Variants in INSIG1 observed in about 807,000 individuals in gnomAD.
INSIG1 encodes insulin induced gene 1, also known as insulin-induced gene 1 protein.
A neutral mutation model predicts 26.5 loss-of-function variants in INSIG1; 14 were observed. The ratio of observed to expected loss-of-function variants is 0.53; its 90% confidence interval spans 0.35 to 0.83. The LOEUF (loss-of-function observed/expected upper bound fraction) is 0.83. Among genes scored for constraint, INSIG1 ranks in the 40% least tolerant of loss-of-function variants. The pLI, the probability that INSIG1 is intolerant of heterozygous loss-of-function variation, is 0.01. For synonymous variants in INSIG1, 147 were observed against 153.3 expected (o/e 0.96, Z 0.30); for missense variants, 272 against 368.9 (o/e 0.74, Z 2.15).
intron 5 of INSIG1, among the ~76,000 whole-genome samples, chr7:155,305,903 C>T (rs192292505): frequency 4.2e-4 from 64 of 152,296 alleles, no homozygotes; most frequent in African/African-American, 1.3e-3. Flanking sequence ...TGTGGTATTT[C>T]CCCCCACACA....
intron 1 of INSIG1, 76 bp downstream of exon 1, chr7:155,298,035 G>T (rs1797666370): frequency 5.5e-6 from 2 of 363,734 alleles, no homozygotes; most frequent in East Asian, 8.2e-5. Flanking sequence ...GAGGTAGGCG[G>T]GCGCGGGCCC....
At position 155,297,969 on chromosome 7, in the gene INSIG1, C is replaced by T; in HGVS notation, c.-28+10C>T. ...GGCGCCTCTCGGCCAGGTACGCGGC[C>T]GGCTGGGATAGGGGTCGCGGGCGGG... On this transcript the variant is annotated intron_variant, in intron 1 of 5. Coordinates refer to ENST00000340368, the MANE Select transcript of INSIG1 (RefSeq NM_005542.6). 1 of 235,856 alleles carries T rather than the reference C, an allele frequency of 4.2e-6. No individual in the cohort carries two copies. The highest frequency in any genetic ancestry group is 8.1e-6 in the Non-Finnish European group (1 of 122,982). The allele number at this position is 235,856 out of a possible 1,614,324, so 14.6% of individuals were successfully genotyped here.
intron 5 of INSIG1, among the ~76,000 whole-genome samples, chr7:155,307,359 G>C (rs1251935293): frequency 6.6e-6 from 1 of 152,202 alleles, no homozygotes; most frequent in Non-Finnish European, 1.5e-5. Context: ...GAGGAGCTCA[G>C]CTCCTTCCTC....
In INSIG1 at chr7:155,304,969, G is replaced by A. The variant is rs1256745853; in HGVS notation, c.804+2123G>A. Among the ~76,000 whole-genome samples the A allele has an allele frequency of 4.4e-5, 5 of 114,608 alleles. No individual in the cohort carries two copies. In the East Asian group the frequency reaches 1.1e-3, roughly 25 times the overall value. The allele number at this position is 114,608 out of a possible 152,430, so 75.2% of individuals were successfully genotyped here. A position where few individuals can be genotyped will look rare whatever the true frequency, so the allele number is the denominator to read the frequency against. On this transcript the variant is annotated intron_variant, in intron 5 of 5. Transcript: ENST00000340368. ...TGGCTAACACAGTGAAACCCCGTCT[G>A]TACTAAAAATACAAAAAAAAAAAAA... is the stretch of plus-strand genomic sequence containing the variant.
At position 155,302,438 on chromosome 7, in the gene INSIG1, A is replaced by G. The variant is rs566216322; in HGVS notation, c.704+21A>G. 2 of 1,552,206 alleles carry G rather than the reference A, an allele frequency of 1.3e-6. No individual in the cohort carries two copies. The highest frequency in any genetic ancestry group is 2.3e-5 in the East Asian group (1 of 43,568). Reference sequence around the variant, plus strand: ...TATCAGTAAGTGTGTGTTTTCAAATATTGGCTTTGGAAAGCTTACTTAACT... The same window carrying G: ...TATCAGTAAGTGTGTGTTTTCAAATGTTGGCTTTGGAAAGCTTACTTAACT... On this transcript the variant is annotated intron_variant, in intron 4 of 5. Transcript: ENST00000340368. The surrounding 1 kb of genome is among the most constrained non-coding windows in gnomAD (Gnocchi z 4.3).
At position 155,302,206 on chromosome 7, in the gene INSIG1, C is replaced by T; in HGVS notation, c.538-45C>T. ...CCCTTGTGGTTTTACGTTTTTTTAT[C>T]TTAATAAGAGTCAGCAAACTTTTCC... On this transcript the variant is annotated intron_variant, in intron 3 of 5. Transcript: ENST00000340368. This position sits in a 1 kb window ranked among gnomAD's most constrained non-coding sequence, Gnocchi z 4.3. The T allele has an allele frequency of 6.8e-7, 1 of 1,471,394 alleles. No homozygotes were observed. Among genetic ancestry groups the T allele is most frequent in the Non-Finnish European group, 9.1e-7 (1 of 1,100,996 alleles). The allele number at this position is 1,471,394 out of a possible 1,614,324, so 91.1% of individuals were successfully genotyped here. A position where few individuals can be genotyped will look rare whatever the true frequency, so the allele number is the denominator to read the frequency against.
chr7:155,303,723 AAAC>A (rs1467812780), intron 5 of INSIG1: 8 of 460,662 alleles, frequency 1.7e-5, no homozygotes, highest in Middle Eastern at 3.8e-4. Flanking sequence ...AAATTAAAAA[AAAC>A]AACAAAAACC....
chr7:155,301,470 AC>A, intron 2 of INSIG1, 95 bp from the exon 3 acceptor site: 2 of 1,111,620 alleles, frequency 1.8e-6, no homozygotes. Flanking sequence ...TAGGAAAAGG[AC>A]TGGTTTGAGT....
chr7:155,302,976 G>T lies in INSIG1; in HGVS notation c.804+130G>T. ...ACTTGAGTGACAACTACTGAGAAAAGCTTATATTTAAAAAAATAGGTAATG... is the reference window on the plus strand; with the variant it reads ...ACTTGAGTGACAACTACTGAGAAAATCTTATATTTAAAAAAATAGGTAATG... On this transcript the variant is annotated intron_variant, in intron 5 of 5. Coordinates refer to ENST00000340368, the MANE Select transcript of INSIG1 (RefSeq NM_005542.6). This position sits in a 1 kb window ranked among gnomAD's most constrained non-coding sequence, Gnocchi z 4.3. 2 of 560,912 alleles carry T rather than the reference G, an allele frequency of 3.6e-6. No individual in the cohort carries two copies. Among genetic ancestry groups the T allele is most frequent in the Non-Finnish European group, 3.2e-6 (1 of 310,082 alleles). 34.7% of individuals were successfully genotyped at this position (560,912 alleles called of 1,614,324 possible). A position where few individuals can be genotyped will look rare whatever the true frequency, so the allele number is the denominator to read the frequency against.
intron 3 of INSIG1, among the ~76,000 whole-genome samples, 165 bp downstream of exon 3, chr7:155,301,855 A>T (rs1172502527): frequency 6.6e-6 from 1 of 150,710 alleles, no homozygotes; most frequent in Non-Finnish European, 1.5e-5. Flanking sequence ...GGGGCTATCG[A>T]TGACTTCATA....
rs927622011 is a variant in INSIG1 at position 155,309,356 on chromosome 7, C to T, written c.*1086C>T. 2.6e-5 allele frequency: 4 copies of T among 152,544 alleles called. No homozygotes were observed. Among genetic ancestry groups the T allele is most frequent in the African/African-American group, 9.6e-5 (4 of 41,486 alleles). The allele number at this position is 152,544 out of a possible 1,614,324, so 9.4% of individuals were successfully genotyped here. A position where few individuals can be genotyped will look rare whatever the true frequency, so the allele number is the denominator to read the frequency against. On this transcript the variant is annotated 3_prime_UTR_variant, in exon 6 of 6. Transcript: ENST00000340368. ...TCTCTTAAATATTTATTTTTTTTAA[C>T]GTGTGAGATGTTCGAGAGAAGGTTC...
At chr7:155,300,274 C>T (rs1797748642) in intron 2 of INSIG1, among the ~76,000 whole-genome samples, 1 of 151,850 alleles carries the variant, frequency 6.6e-6, no homozygotes, top group Non-Finnish European at 1.5e-5. Flanking sequence ...TCATATTCTA[C>T]TTTTTTTTAA....
Position 155,304,642 on chromosome 7 carries a change from G to A in INSIG1, c.804+1796G>A, listed in dbSNP as rs142564920. Among the ~76,000 whole-genome samples, 619 of 152,238 alleles carry A rather than the reference G, an allele frequency of 4.1e-3. 5 individuals are homozygous for A. Among genetic ancestry groups the A allele is most frequent in the African/African-American group, 0.014 (572 of 41,538 alleles). On this transcript the variant is annotated intron_variant, in intron 5 of 5. Coordinates refer to ENST00000340368, the MANE Select transcript of INSIG1 (RefSeq NM_005542.6). ...TCATAAGTTCTAAACATCTAGAAATGGTTGGAGGAAACATTTTCGTTTTGA... is the reference window on the plus strand; with the variant it reads ...TCATAAGTTCTAAACATCTAGAAATAGTTGGAGGAAACATTTTCGTTTTGA...
intron 3 of INSIG1, among the ~76,000 whole-genome samples, chr7:155,301,913 T>C (rs1174881745): frequency 7.9e-6 from 1 of 126,534 alleles, no homozygotes; most frequent in Non-Finnish European, 1.6e-5. Context: ...TTTATTTATA[T>C]TTTTATATAT....
intron 5 of INSIG1, among the ~76,000 whole-genome samples, chr7:155,304,888 A>G (rs1797893138): frequency 6.6e-6 from 1 of 151,894 alleles, no homozygotes; most frequent in African/African-American, 2.4e-5. Context: ...CTTTAATCCC[A>G]GCACTTTGGG....
intron 5 of INSIG1, chr7:155,303,751 TC>T: frequency 1.3e-6 from 1 of 751,804 alleles, no homozygotes; most frequent in South Asian, 1.7e-5. Context: ...GCTGTTGCTC[TC>T]GGAGATAAGC....
chr7:155,309,647 AC>A lies in INSIG1; in HGVS notation c.*1378del, dbSNP rs1231075308. On this transcript the variant is annotated 3_prime_UTR_variant, in exon 6 of 6. Coordinates refer to ENST00000340368, the MANE Select transcript of INSIG1 (RefSeq NM_005542.6). ...GTCAGCAGAATGGAAGCTTAGAGGAACTTGCCTGTGAGCGCTGGTCTTTGTG... is the reference window on the plus strand; with the variant it reads ...GTCAGCAGAATGGAAGCTTAGAGGAATTGCCTGTGAGCGCTGGTCTTTGTG... 1 of 152,158 alleles carries A rather than the reference AC, an allele frequency of 6.6e-6. No individual in the cohort carries two copies. The highest frequency in any genetic ancestry group is 1.5e-5 in the Non-Finnish European group (1 of 68,028). 9.4% of individuals were successfully genotyped at this position (152,158 alleles called of 1,614,324 possible). A position where few individuals can be genotyped will look rare whatever the true frequency, so the allele number is the denominator to read the frequency against.
intron 2 of INSIG1, 47 bp downstream of exon 2, chr7:155,298,744 C>A: frequency 1.9e-6 from 3 of 1,543,518 alleles, no homozygotes; most frequent in South Asian, 1.2e-5. Flanking sequence ...GGTGTCTTTT[C>A]GGTTGAAAGT....
chr7:155,310,059 G>A lies in INSIG1; in HGVS notation c.*1789G>A, dbSNP rs933783384. 2.0e-5 allele frequency: 3 copies of A among 152,550 alleles called. No individual in the cohort carries two copies. Among genetic ancestry groups the A allele is most frequent in the Non-Finnish European group, 4.4e-5 (3 of 68,028 alleles). 9.4% of individuals were successfully genotyped at this position (152,550 alleles called of 1,614,324 possible). A position where few individuals can be genotyped will look rare whatever the true frequency, so the allele number is the denominator to read the frequency against. On this transcript the variant is annotated 3_prime_UTR_variant, in exon 6 of 6. Transcript: ENST00000340368. ...AAATTTGAGGATTTTTTTGCCAATA[G>A]TTTATAGAAAATATATGAACCAAAG...
Sources: allele counts gnomAD v4.1 joint callset (sites outside exome capture counted in the v4.1 genomes callset), GRCh38; gene constraint gnomAD v4.1.1; non-coding constraint Gnocchi (gnomAD v3.1); transcripts MANE v1.5; gene names NCBI Gene and HGNC (gene_info 2026-07-23, HGNC 2026-07-21).